ZNF385D: variants seen among roughly 807,000 people sequenced by gnomAD.
The protein encoded by ZNF385D is zinc finger protein 659.
Under a neutral mutation model 35.8 loss-of-function variants are expected in ZNF385D, and 15 were observed. That is an observed-to-expected ratio of 0.42 (90% CI 0.28 to 0.64). ZNF385D has a LOEUF of 0.64. Among genes scored for constraint, ZNF385D ranks in the 30% least tolerant of loss-of-function variants. The pLI, the probability that ZNF385D is intolerant of heterozygous loss-of-function variation, is 0.23. For missense variants in ZNF385D, 474 were observed against 494.6 expected, an observed-to-expected ratio of 0.96 and a Z score of 0.39; for synonymous variants, 212 against 186.8, an observed-to-expected ratio of 1.13 and a Z score of -1.10.
chr3:22,283,425 G>T (rs150433848), intron 2 of ZNF385D, among the ~76,000 whole-genome samples: 13 of 152,136 alleles, frequency 8.5e-5, no homozygotes, highest in African/African-American at 2.4e-4. Context: ...TCTTAAATAG[G>T]AGCACAGCAC....
intron 1 of ZNF385D, among the ~76,000 whole-genome samples, chr3:21,704,005 T>C (rs1336300005): frequency 6.6e-6 from 1 of 152,236 alleles, no homozygotes; most frequent in East Asian, 1.9e-4. Context: ...GCCCTGCCTG[T>C]TTATGTCTTT....
chr3:22,169,344 G>C (rs1559424374), intron 2 of ZNF385D, among the ~76,000 whole-genome samples: 1 of 152,104 alleles, frequency 6.6e-6, no homozygotes, highest in Non-Finnish European at 1.5e-5. Flanking sequence ...AGGAAACTAA[G>C]TTTTAGAATG....
chr3:22,257,410 T>G (rs1212248161), intron 2 of ZNF385D, among the ~76,000 whole-genome samples: 3 of 151,834 alleles, frequency 2.0e-5, no homozygotes, highest in African/African-American at 7.2e-5. Context: ...CTCTCAATTT[T>G]TCATATGATT....
intron 3 of ZNF385D, among the ~76,000 whole-genome samples, chr3:21,870,582 T>C (rs1697635886): frequency 6.6e-6 from 1 of 152,198 alleles, no homozygotes; most frequent in African/African-American, 2.4e-5. Flanking sequence ...GATCAATAAA[T>C]GTCTTACTGT....
At chr3:21,793,866 G>C (rs987414354) in intron 3 of ZNF385D, among the ~76,000 whole-genome samples, 6 of 152,132 alleles carry the variant, frequency 3.9e-5, no homozygotes, top group African/African-American at 1.4e-4. Context: ...CCATTCTCAG[G>C]ACAAGTCAGA....
chr3:22,125,970 T>C (rs145765525), intron 3 of ZNF385D, among the ~76,000 whole-genome samples: 23 of 152,206 alleles, frequency 1.5e-4, no homozygotes, highest in African/African-American at 5.5e-4. Flanking sequence ...GTGGTGACAG[T>C]GGGCATCCTT....
At chr3:22,141,996 G>A (rs1009397946) in intron 3 of ZNF385D, among the ~76,000 whole-genome samples, 3 of 152,174 alleles carry the variant, frequency 2.0e-5, no homozygotes, top group Non-Finnish European at 4.4e-5. Context: ...ATGGTTAAAT[G>A]ATAGCCAATT....
intron 2 of ZNF385D, among the ~76,000 whole-genome samples, chr3:22,245,451 T>C (rs1235430980): frequency 1.4e-5 from 2 of 147,336 alleles, no homozygotes; most frequent in East Asian, 2.0e-4. Flanking sequence ...GACTCAGCTA[T>C]TATGACTTCT....
At chr3:22,323,921 G>C (rs73134699) in intron 2 of ZNF385D, among the ~76,000 whole-genome samples, 11,234 of 152,152 alleles carry the variant, frequency 0.074, 1,187 homozygotes, top group African/African-American at 0.24. Context: ...GTCAGGCTTT[G>C]CCTTTAACTA....
intron 1 of ZNF385D, among the ~76,000 whole-genome samples, chr3:21,717,960 G>C (rs1047395731): frequency 6.6e-6 from 1 of 152,126 alleles, no homozygotes; most frequent in African/African-American, 2.4e-5. Context: ...CATCAGGAAG[G>C]CTTCTTAAAA....
intron 4 of ZNF385D, among the ~76,000 whole-genome samples, chr3:21,451,510 T>A (rs1168021558): frequency 6.6e-6 from 1 of 152,136 alleles, no homozygotes; most frequent in Admixed American, 6.6e-5. Flanking sequence ...AGAGTGGATC[T>A]CTCAAGTTAG....
chr3:21,908,305 C>G (rs1036290638), intron 3 of ZNF385D, among the ~76,000 whole-genome samples: 2 of 151,838 alleles, frequency 1.3e-5, no homozygotes, highest in African/African-American at 2.4e-5. Flanking sequence ...GGATGCAAAG[C>G]TGCATGGGAA....
At chr3:21,667,458 G>A (rs879480868) in intron 1 of ZNF385D, among the ~76,000 whole-genome samples, 4 of 152,110 alleles carry the variant, frequency 2.6e-5, no homozygotes, top group South Asian at 2.1e-4. Context: ...CACCATGCCC[G>A]GCCCTAAATT....
chr3:21,414,709 T>G lies in ZNF385D; in HGVS notation c.*6505A>C, dbSNP rs374510789. 9.9e-5 allele frequency: 15 copies of G among 152,230 alleles called. No individual in the cohort carries two copies. The South Asian group carries it at 3.1e-3, about 32-fold the overall frequency. 9.4% of individuals were successfully genotyped at this position (152,230 alleles called of 1,614,324 possible). ...TGATTGGTAGTGAAGCCAACAACTGTGTTCACTGTTCTGTGATGCTCGATC... is the reference window on the plus strand; with the variant it reads ...TGATTGGTAGTGAAGCCAACAACTGGGTTCACTGTTCTGTGATGCTCGATC... On this transcript the variant is annotated 3_prime_UTR_variant, in exon 8 of 8. Coordinates refer to ENST00000281523, the MANE Select transcript of ZNF385D (RefSeq NM_024697.3).
intron 4 of ZNF385D, among the ~76,000 whole-genome samples, chr3:21,472,524 A>G (rs928522031): frequency 1.3e-5 from 2 of 152,170 alleles, no homozygotes; most frequent in Non-Finnish European, 2.9e-5. Context: ...CCAATCCATC[A>G]AAAAGTCCTC....
intron 2 of ZNF385D, among the ~76,000 whole-genome samples, chr3:22,316,131 C>T (rs563735363): frequency 6.6e-6 from 1 of 152,164 alleles, no homozygotes; most frequent in Non-Finnish European, 1.5e-5. Context: ...CCCCCTCACC[C>T]GGAAGTGGAC....
At chr3:21,602,701 T>G (rs894747126) in intron 2 of ZNF385D, among the ~76,000 whole-genome samples, 1 of 147,630 alleles carries the variant, frequency 6.8e-6, no homozygotes, top group South Asian at 2.1e-4. Flanking sequence ...CCCGGCTAAT[T>G]TTTTTGTATT....
intron 2 of ZNF385D, chr3:21,579,155 G>C (rs2125699752): frequency 6.6e-6 from 1 of 152,286 alleles, no homozygotes; most frequent in African/African-American, 2.4e-5. Flanking sequence ...ACTGGTCTCT[G>C]AATAAAGTAT....
At chr3:21,976,990 G>A (rs1294045031) in intron 3 of ZNF385D, among the ~76,000 whole-genome samples, 2 of 146,118 alleles carry the variant, frequency 1.4e-5, no homozygotes, top group Non-Finnish European at 3.1e-5. Flanking sequence ...TCCATCTCAG[G>A]AAAATAATAA....
Sources: allele counts gnomAD v4.1 joint callset (sites outside exome capture counted in the v4.1 genomes callset), GRCh38; gene constraint gnomAD v4.1.1; transcripts MANE v1.5; gene names NCBI Gene and HGNC (gene_info 2026-07-23, HGNC 2026-07-21).